Variants in GLI2 observed in about 807,000 individuals in gnomAD.
The protein encoded by GLI2 is transcription activator GLI2.
A neutral mutation model predicts 78.9 loss-of-function variants in GLI2; 22 were observed. The ratio of observed to expected loss-of-function variants is 0.28; its 90% CI spans 0.20 to 0.40. The LOEUF (loss-of-function observed/expected upper bound fraction) is 0.40, where lower values mean the gene tolerates loss of function less well. GLI2 is among the 10% of genes least tolerant of loss of function. The pLI, the probability that GLI2 is intolerant of heterozygous loss-of-function variation, is 1.00. For missense variants in GLI2, 2,097 were observed against 2,213.2 expected (o/e 0.95, Z 1.05); for synonymous variants, 974 against 963.7 (o/e 1.01, Z -0.20).
intron 1 of GLI2, among the ~76,000 whole-genome samples, chr2:120,781,993 C>T (rs1024267097): frequency 6.6e-6 from 1 of 151,914 alleles, no homozygotes; most frequent in Non-Finnish European, 1.5e-5. Flanking sequence ...GTTCATTTTC[C>T]TAGTTGCAGT....
intron 2 of GLI2, among the ~76,000 whole-genome samples, chr2:120,847,428 A>T (rs547759687): frequency 6.6e-6 from 1 of 152,308 alleles, no homozygotes; most frequent in East Asian, 1.9e-4. Context: ...GAGAGGGACC[A>T]TGCAGTTCTG....
intron 5 of GLI2, among the ~76,000 whole-genome samples, chr2:120,956,986 A>T (rs1009540745): frequency 1.3e-5 from 2 of 152,054 alleles, no homozygotes; most frequent in African/African-American, 4.8e-5. Flanking sequence ...TGCCCCCCTC[A>T]GTCACTGGGA....
intron 2 of GLI2, among the ~76,000 whole-genome samples, chr2:120,904,408 C>T (rs1414312679): frequency 1.3e-5 from 2 of 152,174 alleles, no homozygotes; most frequent in Non-Finnish European, 2.9e-5. Flanking sequence ...GAAGGCAGGG[C>T]CCTGGGCTCT....
chr2:120,920,840 A>T (rs1679335436), intron 2 of GLI2, among the ~76,000 whole-genome samples: 1 of 147,326 alleles, frequency 6.8e-6, no homozygotes, highest in South Asian at 2.2e-4. Context: ...TTTCAGGGGG[A>T]TGGTGTGTCT....
chr2:120,765,590 T>C (rs1318088081), intron 1 of GLI2, among the ~76,000 whole-genome samples: 3 of 152,242 alleles, frequency 2.0e-5, no homozygotes, highest in Non-Finnish European at 1.5e-5. Flanking sequence ...CCTCAGGATC[T>C]GGTTCAGGGG....
chr2:120,950,080 G>A (rs1351800905), intron 3 of GLI2, among the ~76,000 whole-genome samples: 3 of 152,122 alleles, frequency 2.0e-5, no homozygotes, highest in Admixed American at 6.5e-5. Flanking sequence ...TTTCATGACT[G>A]CCTGCCATGT....
intron 2 of GLI2, among the ~76,000 whole-genome samples, chr2:120,912,208 A>C (rs1678856923): frequency 6.6e-6 from 1 of 152,112 alleles, no homozygotes; most frequent in South Asian, 2.1e-4. Context: ...GTTTATTTAA[A>C]AAGAAGTAGA....
At chr2:120,918,436 T>C (rs1407685726) in intron 2 of GLI2, among the ~76,000 whole-genome samples, 1 of 148,962 alleles carries the variant, frequency 6.7e-6, no homozygotes, top group Non-Finnish European at 1.5e-5. Flanking sequence ...ACCATAAATA[T>C]TCTTTTTTTT....
intron 3 of GLI2, among the ~76,000 whole-genome samples, chr2:120,936,633 T>C (rs150147230): frequency 4.3e-4 from 66 of 152,298 alleles, no homozygotes; most frequent in African/African-American, 1.4e-3. Flanking sequence ...TCTGCAGACA[T>C]GGAAACAGAA....
Position 120,978,558 on chromosome 2 carries a change from C to T in GLI2, c.1442C>T (p.Thr481Met), listed in dbSNP as rs894445064. 4 of 1,613,910 alleles carry T rather than the reference C, an allele frequency of 2.5e-6. No individual in the cohort carries two copies. The highest frequency in any genetic ancestry group is 2.5e-6 in the Non-Finnish European group (3 of 1,179,996). The change falls in exon 10 of 14, where the codon ACG (threonine) becomes ATG (methionine). Residue 481 changes from threonine to methionine, a missense_variant. Transcript: ENST00000361492. ...CTGGTGGTGCACATGCGGCGACACA[C>T]GGGCGAGAAGCCCCACAAGTGCACG... ...YMLVVHMRRH[T>M]GEKPHKCTFE...
At chr2:120,905,312 C>T (rs1228721326) in intron 2 of GLI2, among the ~76,000 whole-genome samples, 1 of 152,140 alleles carries the variant, frequency 6.6e-6, no homozygotes, top group African/African-American at 2.4e-5. Context: ...CCCACAGCAT[C>T]AGTGGGGGTG....
In GLI2 at chr2:120,988,379, G is replaced by A; in HGVS notation, c.2414G>A (p.Arg805His). 1 of 1,570,046 alleles carries A rather than the reference G, an allele frequency of 6.4e-7. No individual in the cohort carries two copies. Among genetic ancestry groups the A allele is most frequent in the Non-Finnish European group, 8.6e-7 (1 of 1,167,794 alleles). The change falls in exon 14 of 14, where the codon CGC (arginine) becomes CAC (histidine). Residue 805 changes from arginine (R) to histidine (H), a missense_variant. This residue lies in a region of GLI2 where 1,290 missense variants were observed against 1,261.7 expected (regional missense o/e 1.02). Coordinates refer to ENST00000361492, the MANE Select transcript of GLI2 (RefSeq NM_001374353.1). ...TVSSAYTVSRRSSGISPYFSS... is the reference protein window; with the variant it reads ...TVSSAYTVSRHSSGISPYFSS... ...AGCTCGGCCTACACCGTGAGCCGCC[G>A]CTCCTCCGGCATCTCCCCCTACTTC...
chr2:120,751,412 A>G (rs1682871122), intron 1 of GLI2, among the ~76,000 whole-genome samples: 1 of 151,954 alleles, frequency 6.6e-6, no homozygotes, highest in Admixed American at 6.6e-5. Context: ...TTTTTACTTA[A>G]TACTTTTTGA....
intron 2 of GLI2, among the ~76,000 whole-genome samples, chr2:120,863,473 T>G (rs1262709316): frequency 6.6e-6 from 1 of 152,258 alleles, no homozygotes; most frequent in Non-Finnish European, 1.5e-5. Flanking sequence ...GCACTAGGAC[T>G]CCACGTGAAG....
chr2:120,906,036 A>G lies in GLI2; in HGVS notation c.149-21325A>G, dbSNP rs1678514468. Among the ~76,000 whole-genome samples the G allele has an allele frequency of 2.0e-5, 3 of 152,232 alleles. No homozygotes were observed. The South Asian group carries it at 6.2e-4, about 31-fold the overall frequency. ...GGCCGGCGCTTCTCGCCAAGATGGC[A>G]TGCCCTGCTCGCTGTGGGCACAGCC... On this transcript the variant is annotated intron_variant, in intron 2 of 13. Transcript: ENST00000361492.
chr2:120,915,715 A>G (rs1679065830), intron 2 of GLI2, among the ~76,000 whole-genome samples: 1 of 152,118 alleles, frequency 6.6e-6, no homozygotes, highest in Non-Finnish European at 1.5e-5. Context: ...CTCAGAACAG[A>G]CCAAGGCTCC....
intron 1 of GLI2, among the ~76,000 whole-genome samples, chr2:120,771,543 GTTT>G (rs201325560): frequency 2.0e-5 from 3 of 152,026 alleles, no homozygotes; most frequent in Non-Finnish European, 4.4e-5. Context: ...GACAGAAGAT[GTTT>G]CTGTTGAAAG....
intron 1 of GLI2, among the ~76,000 whole-genome samples, chr2:120,764,296 G>C (rs1378938499): frequency 6.6e-6 from 1 of 152,252 alleles, no homozygotes; most frequent in African/African-American, 2.4e-5. Flanking sequence ...AGACTGTCCA[G>C]AGGAGACCCA....
intron 2 of GLI2, among the ~76,000 whole-genome samples, chr2:120,855,254 G>T (rs1687592063): frequency 6.6e-6 from 1 of 152,182 alleles, no homozygotes; most frequent in East Asian, 1.9e-4. Context: ...GGGCTTTCCG[G>T]CTGCACGCTG....
Sources: allele counts gnomAD v4.1 joint callset (sites outside exome capture counted in the v4.1 genomes callset), GRCh38; gene constraint gnomAD v4.1.1; regional missense constraint gnomAD v4.1.1; transcripts MANE v1.5; gene names NCBI Gene and HGNC (gene_info 2026-07-23, HGNC 2026-07-21).